NKAIN2: variants seen among roughly 807,000 people sequenced by gnomAD.
NKAIN2 encodes sodium/potassium-transporting ATPase subunit beta-1-interacting protein 2.
NKAIN2 carries 14 observed loss-of-function variants against 32.6 expected under a neutral mutation model. The ratio of observed to expected loss-of-function variants is 0.43; its 90% CI spans 0.28 to 0.67. The LOEUF (loss-of-function observed/expected upper bound fraction) is 0.67, where lower values mean the gene tolerates loss of function less well. NKAIN2 is among the 30% of genes least tolerant of loss of function. The pLI, the probability that NKAIN2 is intolerant of heterozygous loss-of-function variation, is 0.17. For synonymous variants in NKAIN2, 80 were observed against 87.2 expected, an observed-to-expected ratio of 0.92 and a Z score of 0.46; for missense variants, 198 against 258.3, an observed-to-expected ratio of 0.77 and a Z score of 1.60.
At chr6:124,058,588 G>A (rs1364795697) in intron 1 of NKAIN2, among the ~76,000 whole-genome samples, 2 of 151,992 alleles carry the variant, frequency 1.3e-5, no homozygotes, top group Admixed American at 1.3e-4. Context: ...CTCAATAAAT[G>A]TTACTTATAA....
intron 1 of NKAIN2, among the ~76,000 whole-genome samples, chr6:124,267,206 A>G (rs1794531019): frequency 6.6e-6 from 1 of 152,198 alleles, no homozygotes; most frequent in Non-Finnish European, 1.5e-5. Context: ...ATGGATGTAC[A>G]GGATCCTGAT....
intron 2 of NKAIN2, among the ~76,000 whole-genome samples, chr6:124,296,518 A>C (rs1356718874): frequency 6.6e-6 from 1 of 152,160 alleles, no homozygotes; most frequent in Non-Finnish European, 1.5e-5. Context: ...TTCTTTTGAA[A>C]CATGCAATAA....
chr6:124,361,261 C>T (rs10484736), intron 3 of NKAIN2, among the ~76,000 whole-genome samples: 4,290 of 151,902 alleles, frequency 0.028, 178 homozygotes, highest in East Asian at 0.11. Context: ...CTGGATTGTC[C>T]GTAAAAACCT....
intron 1 of NKAIN2, among the ~76,000 whole-genome samples, chr6:123,810,726 T>TTTTG (rs907687611): frequency 1.3e-5 from 2 of 152,158 alleles, no homozygotes; most frequent in South Asian, 2.1e-4. Context: ...TTTGCCTGTT[T>TTTTG]TTTGTTTGTT....
chr6:124,342,136 T>G (rs1287635041), intron 2 of NKAIN2, among the ~76,000 whole-genome samples: 1 of 152,074 alleles, frequency 6.6e-6, no homozygotes, highest in African/African-American at 2.4e-5. Flanking sequence ...GCACGGTGGC[T>G]CACGCCTGTA....
At chr6:124,720,156 T>C (rs1248628022) in intron 4 of NKAIN2, among the ~76,000 whole-genome samples, 1 of 152,082 alleles carries the variant, frequency 6.6e-6, no homozygotes, top group African/African-American at 2.4e-5. Context: ...ATAAGTGAAA[T>C]ATGTTAACTG....
chr6:124,327,505 T>G (rs2115040861), intron 2 of NKAIN2, among the ~76,000 whole-genome samples: 1 of 152,286 alleles, frequency 6.6e-6, no homozygotes, highest in East Asian at 1.9e-4. Flanking sequence ...TTTTGCTACC[T>G]AAGGCATCTA....
chr6:124,534,102 G>A (rs1052293575), intron 3 of NKAIN2, among the ~76,000 whole-genome samples: 1 of 152,026 alleles, frequency 6.6e-6, no homozygotes, highest in Non-Finnish European at 1.5e-5. Flanking sequence ...ATGTATGACT[G>A]CTAGTGCCTC....
At chr6:124,358,737 A>C (rs1364725035) in intron 3 of NKAIN2, among the ~76,000 whole-genome samples, 14 of 151,592 alleles carry the variant, frequency 9.2e-5, no homozygotes, top group Non-Finnish European at 5.9e-5. Flanking sequence ...GTTCACTCTG[A>C]TGGTAGTTTC....
chr6:124,493,606 A>G (rs1777949089), intron 3 of NKAIN2, among the ~76,000 whole-genome samples: 1 of 151,012 alleles, frequency 6.6e-6, no homozygotes, highest in Admixed American at 6.6e-5. Context: ...ACTTCTTGGG[A>G]ATTATTTGAT....
At chr6:124,732,217 G>A (rs981396999) in intron 4 of NKAIN2, among the ~76,000 whole-genome samples, 2 of 152,040 alleles carry the variant, frequency 1.3e-5, no homozygotes, top group Non-Finnish European at 2.9e-5. Flanking sequence ...TTTTGAGTGG[G>A]AATAGCCTTC....
At chr6:124,773,940 G>C (rs1778872514) in intron 4 of NKAIN2, among the ~76,000 whole-genome samples, 1 of 152,152 alleles carries the variant, frequency 6.6e-6, no homozygotes. Flanking sequence ...ATGATAGCTA[G>C]AGAAGAGTGA....
rs756976057 is a variant in NKAIN2 at position 124,583,534 on chromosome 6, C to CTATA, written c.274-74651_274-74648dup. Among the ~76,000 whole-genome samples, 3 of 152,226 alleles carry CTATA rather than the reference C, an allele frequency of 2.0e-5. No homozygotes were observed. The East Asian group carries it at 5.8e-4, about 29-fold the overall frequency. ...TGGAAAAATCAATATTATTAATTAT[C>CTATA]TATACTACATAAAGCGATCTAGAGT... On this transcript the variant is annotated intron_variant, in intron 3 of 6. Coordinates refer to ENST00000368417, the MANE Select transcript of NKAIN2 (RefSeq NM_001040214.3).
chr6:124,351,708 G>T (rs1798742812), intron 2 of NKAIN2, among the ~76,000 whole-genome samples: 1 of 147,724 alleles, frequency 6.8e-6, no homozygotes, highest in Non-Finnish European at 1.5e-5. Flanking sequence ...TGCAACCTCT[G>T]CCTCCTGGGT....
chr6:124,727,370 C>G (rs1254786074), intron 4 of NKAIN2, among the ~76,000 whole-genome samples: 2 of 151,894 alleles, frequency 1.3e-5, no homozygotes, highest in South Asian at 2.1e-4. Flanking sequence ...TGGCAGAAAC[C>G]CTACAAGCCA....
chr6:124,453,322 AACACACACACACAC>A (rs766482280), intron 3 of NKAIN2, among the ~76,000 whole-genome samples: 10 of 63,876 alleles, frequency 1.6e-4, no homozygotes, highest in South Asian at 6.9e-4. Context: ...CATGCATATA[AACACACACACACAC>A]ACACACACAC....
At chr6:124,587,049 A>G (rs927545929) in intron 3 of NKAIN2, among the ~76,000 whole-genome samples, 1 of 152,168 alleles carries the variant, frequency 6.6e-6, no homozygotes, top group African/African-American at 2.4e-5. Flanking sequence ...GGAGTTCAAC[A>G]AGGGGAATGG....
At chr6:124,596,663 GGTGTGTGTGT>G (rs9321001) in intron 3 of NKAIN2, among the ~76,000 whole-genome samples, 24,667 of 142,564 alleles carry the variant, frequency 0.17, 2,084 homozygotes, top group East Asian at 0.27. Context: ...TAAACCATAG[GGTGTGTGTGT>G]GTGTGTGTGT....
intron 3 of NKAIN2, among the ~76,000 whole-genome samples, chr6:124,363,478 A>G (rs1799384026): frequency 6.6e-6 from 1 of 152,216 alleles, no homozygotes. Flanking sequence ...TCTAGTGCAC[A>G]TAGGCAATTT....
Sources: gnomAD v4.1 joint callset for allele counts (sites outside exome capture counted in the v4.1 genomes callset) on GRCh38, gnomAD v4.1.1 for gene constraint, MANE v1.5 for transcripts, NCBI Gene and HGNC (gene_info 2026-07-23, HGNC 2026-07-21) for gene names.